The following ZNF654 variants were observed in gnomAD, a reference collection of about 807,000 sequenced individuals.
The protein encoded by ZNF654 is melanoma-associated antigen.
A neutral mutation model predicts 95.3 loss-of-function variants in ZNF654; 19 were observed. That is an observed-to-expected ratio of 0.20 (90% CI 0.14 to 0.29). The LOEUF is 0.29. ZNF654 is among the 10% of genes least tolerant of loss of function. ZNF654 has a pLI of 1.00. For missense variants in ZNF654, 1,046 were observed against 1,341.0 expected, an observed-to-expected ratio of 0.78 and a Z score of 3.44; for synonymous variants, 413 against 457.9, an observed-to-expected ratio of 0.90 and a Z score of 1.25.
chr3:88,128,179 T>C (rs1706231951), intron 4 of ZNF654, among the ~76,000 whole-genome samples: 1 of 152,142 alleles, frequency 6.6e-6, no homozygotes, highest in Admixed American at 6.6e-5. Context: ...TAAATAAATT[T>C]ATTTAGCTAA....
intron 1 of ZNF654, 70 bp downstream of exon 1, chr3:88,059,575 C>G (rs571442149): frequency 1.4e-6 from 2 of 1,442,198 alleles, no homozygotes; most frequent in African/African-American, 1.4e-5. Context: ...CTGGTCTTCT[C>G]GTCCATGAAT....
chr3:88,101,355 A>G (rs967300761), intron 2 of ZNF654, among the ~76,000 whole-genome samples: 2 of 152,138 alleles, frequency 1.3e-5, no homozygotes, highest in Non-Finnish European at 2.9e-5. Context: ...TAGACATTTC[A>G]TATAAATGAT....
chr3:88,100,350 TA>T (rs1343417121), intron 2 of ZNF654, among the ~76,000 whole-genome samples: 2 of 152,090 alleles, frequency 1.3e-5, no homozygotes, highest in Non-Finnish European at 2.9e-5. Context: ...TGTGGAGAAA[TA>T]GGAACACTTT....
chr3:88,110,883 G>A (rs559706428), intron 2 of ZNF654, among the ~76,000 whole-genome samples: 3 of 152,122 alleles, frequency 2.0e-5, no homozygotes, highest in African/African-American at 7.2e-5. Flanking sequence ...GATGTGTTTT[G>A]CCTTTATTTG....
chr3:88,119,424 G>C (rs1408644256), intron 3 of ZNF654, among the ~76,000 whole-genome samples: 3 of 135,408 alleles, frequency 2.2e-5, no homozygotes, highest in South Asian at 5.0e-4. Context: ...GATAGCATTG[G>C]GAGATATACC....
chr3:88,142,877 T>A lies in ZNF654; in HGVS notation c.*1225T>A, dbSNP rs1374807480. 1 of 152,270 alleles carries A rather than the reference T, an allele frequency of 6.6e-6. No homozygotes were observed. Among genetic ancestry groups the A allele is most frequent in the Middle Eastern group, 3.2e-3 (1 of 316 alleles). 9.4% of individuals were successfully genotyped at this position (152,270 alleles called of 1,614,324 possible). A position where few individuals can be genotyped will look rare whatever the true frequency, so the allele number is the denominator to read the frequency against. ...GTTATTTTCCTAAGAAGATTTTAACTTAATAAAGTGTTAAAACAATAAATA... is the reference window on the plus strand; with the variant it reads ...GTTATTTTCCTAAGAAGATTTTAACATAATAAAGTGTTAAAACAATAAATA... On this transcript the variant is annotated 3_prime_UTR_variant, in exon 9 of 9. Transcript: ENST00000636215.
chr3:88,100,683 A>G (rs1345700707), intron 2 of ZNF654, among the ~76,000 whole-genome samples: 1 of 152,168 alleles, frequency 6.6e-6, no homozygotes, highest in Non-Finnish European at 1.5e-5. Context: ...GCTGGAAACC[A>G]TCATTCTCAG....
chr3:88,128,172 A>C (rs1706231592), intron 4 of ZNF654, among the ~76,000 whole-genome samples: 1 of 152,274 alleles, frequency 6.6e-6, no homozygotes, highest in African/African-American at 2.4e-5. Context: ...TTAGGTCTAA[A>C]TAAATTTATT....
At chr3:88,118,860 G>C (rs142855922) in intron 3 of ZNF654, among the ~76,000 whole-genome samples, 4,411 of 151,798 alleles carry the variant, frequency 0.029, 199 homozygotes, top group African/African-American at 0.096. Context: ...AGTTAGAATG[G>C]CAATCATTAA....
At chr3:88,131,232 G>T (rs890735255) in intron 6 of ZNF654, among the ~76,000 whole-genome samples, 3 of 152,144 alleles carry the variant, frequency 2.0e-5, no homozygotes, top group African/African-American at 7.2e-5. Flanking sequence ...TATAGAAAAA[G>T]TACAGTAAAA....
intron 1 of ZNF654, among the ~76,000 whole-genome samples, chr3:88,059,826 G>A (rs772878226): frequency 3.3e-5 from 5 of 152,114 alleles, no homozygotes; most frequent in African/African-American, 9.7e-5. Context: ...CTGCCCGAGA[G>A]TCCCGCCTTT....
chr3:88,141,746 CT>C lies in ZNF654; in HGVS notation c.*96del. On this transcript the variant is annotated 3_prime_UTR_variant, in exon 9 of 9. Transcript: ENST00000636215. ...ATCAGTTTGCTATTTCCCTGATGGCCTTAATTTTAGAGTGGTCTTGGATTAC... is the reference window on the plus strand; with the variant it reads ...ATCAGTTTGCTATTTCCCTGATGGCCTAATTTTAGAGTGGTCTTGGATTAC... 2 of 1,009,436 alleles carry C rather than the reference CT, an allele frequency of 2.0e-6. No individual in the cohort carries two copies. The highest frequency in any genetic ancestry group is 2.8e-6 in the Non-Finnish European group (2 of 710,846). 62.5% of individuals were successfully genotyped at this position (1,009,436 alleles called of 1,614,324 possible).
intron 1 of ZNF654, among the ~76,000 whole-genome samples, chr3:88,066,339 C>T (rs1037880580): frequency 6.6e-6 from 1 of 151,906 alleles, no homozygotes; most frequent in African/African-American, 2.4e-5. Context: ...TTTGGGAGTC[C>T]AAGGCAGGCA....
At chr3:88,099,657 C>A (rs943219797) in intron 2 of ZNF654, among the ~76,000 whole-genome samples, 7 of 152,160 alleles carry the variant, frequency 4.6e-5, no homozygotes, top group African/African-American at 1.7e-4. Context: ...ACAGAGCCCT[C>A]AGAAATAATA....
At chr3:88,130,901 T>C (rs1424672287) in intron 6 of ZNF654, among the ~76,000 whole-genome samples, 1 of 152,278 alleles carries the variant, frequency 6.6e-6, no homozygotes, top group South Asian at 2.1e-4. Context: ...CTAATTTTTA[T>C]TTAAAATTAT....
intron 2 of ZNF654, among the ~76,000 whole-genome samples, chr3:88,087,043 A>G (rs989461366): frequency 1.3e-5 from 2 of 151,610 alleles, no homozygotes; most frequent in African/African-American, 4.9e-5. Context: ...TGGCCTCCCA[A>G]AGTGCTGGGA....
rs572212891 is a variant in ZNF654, at chr3:88,080,383, A to G, written c.187-5874A>G. On this transcript the variant is annotated intron_variant, in intron 1 of 8. Transcript: ENST00000636215. ...AGGTGCACTAGTAATGGTGCACTTTATATCTGTACTGTCTTTATATCTGAT... is the reference window on the plus strand; with the variant it reads ...AGGTGCACTAGTAATGGTGCACTTTGTATCTGTACTGTCTTTATATCTGAT... Among the ~76,000 whole-genome samples the G allele has an allele frequency of 9.2e-5, 14 of 152,210 alleles. 1 individual carries two copies. The South Asian group carries it at 2.7e-3, about 29-fold the overall frequency.
intron 7 of ZNF654, among the ~76,000 whole-genome samples, chr3:88,136,601 T>G (rs1016990195): frequency 2.6e-5 from 4 of 152,098 alleles, no homozygotes; most frequent in African/African-American, 2.4e-5. Context: ...TTTTCCTCAT[T>G]TTATTATTTG....
At chr3:88,122,011 C>A (rs1405579198) in intron 3 of ZNF654, among the ~76,000 whole-genome samples, 2 of 152,098 alleles carry the variant, frequency 1.3e-5, no homozygotes, top group Non-Finnish European at 2.9e-5. Context: ...AACTTTTAAC[C>A]ACCTAAGAAG....
Sources: gnomAD v4.1 joint callset for allele counts (sites outside exome capture counted in the v4.1 genomes callset) on GRCh38, gnomAD v4.1.1 for gene constraint, MANE v1.5 for transcripts, NCBI Gene and HGNC (gene_info 2026-07-23, HGNC 2026-07-21) for gene names.